Variants in SLC4A4 observed in about 807,000 individuals in gnomAD.
SLC4A4 encodes the protein solute carrier family 4 member 4, also known as electrogenic sodium bicarbonate cotransporter 1.
In SLC4A4, 27 loss-of-function variants were observed where a neutral mutation model predicts 111.5. That is an observed-to-expected ratio of 0.24 (90% CI 0.18 to 0.33). The LOEUF is 0.33. SLC4A4 is among the 10% of genes least tolerant of loss of function. The pLI, the probability that SLC4A4 is intolerant of heterozygous loss-of-function variation, is 1.00. For missense variants in SLC4A4, 909 were observed against 1,315.5 expected, an observed-to-expected ratio of 0.69 and a Z score of 4.78; for synonymous variants, 443 against 463.4, an observed-to-expected ratio of 0.96 and a Z score of 0.57.
intron 4 of SLC4A4, among the ~76,000 whole-genome samples, chr4:71,342,693 C>T (rs1001471006): frequency 1.3e-5 from 2 of 152,062 alleles, no homozygotes; most frequent in African/African-American, 2.4e-5. Context: ...CAAATGCAGA[C>T]CATACGTTAT....
intron 1 of SLC4A4, among the ~76,000 whole-genome samples, chr4:71,083,442 C>T (rs1377428188): frequency 1.3e-5 from 2 of 151,978 alleles, no homozygotes; most frequent in Non-Finnish European, 2.9e-5. Context: ...ACTCTTCCAA[C>T]TCTTGCCTTA....
At chr4:71,393,069 T>C (rs1006304067) in intron 6 of SLC4A4, among the ~76,000 whole-genome samples, 4 of 152,052 alleles carry the variant, frequency 2.6e-5, no homozygotes, top group Non-Finnish European at 5.9e-5. Context: ...TAATACTAAC[T>C]GGGGAAAAGT....
chr4:71,201,167 G>A (rs183699416), intron 1 of SLC4A4, among the ~76,000 whole-genome samples: 1 of 152,302 alleles, frequency 6.6e-6, no homozygotes, highest in African/African-American at 2.4e-5. Flanking sequence ...CTGTTGGGGA[G>A]TTAAGGAAGT....
At chr4:71,543,491 G>A (rs62303799) in intron 18 of SLC4A4, among the ~76,000 whole-genome samples, 34,293 of 151,968 alleles carry the variant, frequency 0.23, 4,056 homozygotes, top group East Asian at 0.4. Flanking sequence ...TTATTCTGAT[G>A]GTTATATATA....
chr4:71,335,382 C>T (rs1295335895), intron 3 of SLC4A4, among the ~76,000 whole-genome samples: 1 of 152,224 alleles, frequency 6.6e-6, no homozygotes, highest in South Asian at 2.1e-4. Flanking sequence ...AAGTATTGTC[C>T]AGACTCCAAA....
chr4:71,370,833 G>A (rs1219281076), intron 6 of SLC4A4, among the ~76,000 whole-genome samples: 2 of 152,198 alleles, frequency 1.3e-5, no homozygotes, highest in Admixed American at 1.3e-4. Flanking sequence ...ATTGACCAAA[G>A]TGTTCAGTTT....
intron 3 of SLC4A4, among the ~76,000 whole-genome samples, chr4:71,289,516 G>A (rs1286375965): frequency 6.6e-6 from 1 of 152,166 alleles, no homozygotes; most frequent in East Asian, 1.9e-4. Context: ...TTATAATCTA[G>A]CAGAGAGAGA....
chr4:71,270,427 T>G (rs1232836580), intron 3 of SLC4A4, among the ~76,000 whole-genome samples: 2 of 152,220 alleles, frequency 1.3e-5, no homozygotes, highest in Non-Finnish European at 2.9e-5. Flanking sequence ...TACCTTGTTA[T>G]TTTTCCAAAA....
chr4:71,158,681 C>CAATATA (rs1327731333), intron 2 of SLC4A4, among the ~76,000 whole-genome samples: 5 of 152,262 alleles, frequency 3.3e-5, no homozygotes, highest in African/African-American at 1.2e-4. Context: ...CTTCTTCTAT[C>CAATATA]AATATAGATT....
At chr4:71,531,804 C>G (rs4020561) in intron 16 of SLC4A4, among the ~76,000 whole-genome samples, 30 of 114,338 alleles carry the variant, frequency 2.6e-4, no homozygotes, top group Middle Eastern at 9.4e-3. Flanking sequence ...CACACACACA[C>G]AGAAAGAGAG....
intron 1 of SLC4A4, among the ~76,000 whole-genome samples, chr4:71,231,748 T>C (rs1719440183): frequency 2.6e-5 from 4 of 152,212 alleles, no homozygotes; most frequent in African/African-American, 9.6e-5. Flanking sequence ...CTTTCTTTGT[T>C]TTCAGCGAAT....
rs184999891 is a variant in SLC4A4, at chr4:71,091,971, A to G, written c.-64-759A>G. ...CTTACGGAGTAGTAACATTCTATGT[A>G]AGCCAAGAGTGGCATGCAGTAATAA... is the stretch of plus-strand genomic sequence containing the variant. On this transcript the variant is annotated intron_variant, in intron 1 of 26. Transcript: ENST00000649996. Among the ~76,000 whole-genome samples, 23 of 152,344 alleles carry G rather than the reference A, an allele frequency of 1.5e-4. No individual in the cohort carries two copies. In the East Asian group the frequency reaches 4.4e-3, roughly 29 times the overall value.
chr4:71,171,893 T>A (rs1398551856), intron 2 of SLC4A4, among the ~76,000 whole-genome samples: 6 of 152,238 alleles, frequency 3.9e-5, no homozygotes, highest in Non-Finnish European at 5.9e-5. Context: ...TTTCTGTATT[T>A]TAATTTAATC....
At chr4:71,275,635 T>C (rs915259903) in intron 3 of SLC4A4, among the ~76,000 whole-genome samples, 10 of 152,228 alleles carry the variant, frequency 6.6e-5, no homozygotes, top group African/African-American at 2.4e-4. Flanking sequence ...CATCACAAAT[T>C]ACCTATTTAA....
chr4:71,203,150 A>G (rs901160001), intron 1 of SLC4A4, among the ~76,000 whole-genome samples: 6 of 152,152 alleles, frequency 3.9e-5, no homozygotes, highest in Admixed American at 3.9e-4. Context: ...GATGAGTGGT[A>G]ACAATGTATT....
rs1310765535 is a variant in SLC4A4 at position 71,570,925 on chromosome 4, G to C, written c.*3174G>C. 6.6e-6 allele frequency: 1 copy of C among 152,184 alleles called. No homozygotes were observed. Among genetic ancestry groups the C allele is most frequent in the East Asian group, 1.9e-4 (1 of 5,138 alleles). The allele number at this position is 152,184 out of a possible 1,614,324, so 9.4% of individuals were successfully genotyped here. ...ATCAAGGTTGAGGAGTGGGGCTGGG[G>C]AGAGGACTTAACTGACTTAAGAAGT... On this transcript the variant is annotated 3_prime_UTR_variant, in exon 26 of 26. Transcript: ENST00000264485.
chr4:71,282,773 C>T (rs1325939053), intron 3 of SLC4A4, among the ~76,000 whole-genome samples: 2 of 151,132 alleles, frequency 1.3e-5, no homozygotes, highest in African/African-American at 4.9e-5. Flanking sequence ...GACAGTGTCT[C>T]ACTATGTTGC....
chr4:71,149,671 T>C (rs1744263997), intron 2 of SLC4A4, among the ~76,000 whole-genome samples: 1 of 152,194 alleles, frequency 6.6e-6, no homozygotes, highest in Non-Finnish European at 1.5e-5. Context: ...CAAATATGAA[T>C]GGGGGCTTAA....
chr4:71,463,734 C>T (rs537160379), intron 12 of SLC4A4, among the ~76,000 whole-genome samples: 2 of 152,238 alleles, frequency 1.3e-5, no homozygotes, highest in East Asian at 1.9e-4. Flanking sequence ...TCATTTGGGT[C>T]TTGCTTCTTG....
Sources: allele counts gnomAD v4.1 joint callset (sites outside exome capture counted in the v4.1 genomes callset), GRCh38; gene constraint gnomAD v4.1.1; transcripts MANE v1.5; gene names NCBI Gene and HGNC (gene_info 2026-07-23, HGNC 2026-07-21).